SLC4A8: variants seen among roughly 807,000 people sequenced by gnomAD.
SLC4A8 encodes the protein electroneutral sodium bicarbonate exchanger 1.
Under a neutral mutation model 125.0 loss-of-function variants are expected in SLC4A8, and 40 were observed. The ratio of observed to expected loss-of-function variants is 0.32; its 90% CI spans 0.25 to 0.42. The LOEUF (loss-of-function observed/expected upper bound fraction) is 0.42, where lower values mean the gene tolerates loss of function less well. Among genes scored for constraint, SLC4A8 ranks in the 10% least tolerant of loss-of-function variants. The probability of loss-of-function intolerance (pLI) is 1.00; values close to 1 mark genes in which losing one functional copy is unlikely to be tolerated. For missense variants in SLC4A8, 863 were observed against 1,355.1 expected (o/e 0.64, Z 5.70); for synonymous variants, 456 against 476.0 (o/e 0.96, Z 0.55).
At chr12:51,489,026 A>G (rs1951232896) in intron 18 of SLC4A8, among the ~76,000 whole-genome samples, 166 bp downstream of exon 18, 2 of 152,222 alleles carry the variant, frequency 1.3e-5, no homozygotes, top group African/African-American at 4.8e-5. Flanking sequence ...TTAGAGTGGA[A>G]CATGGTTGTA....
chr12:51,481,002 T>G (rs543156351), intron 16 of SLC4A8, among the ~76,000 whole-genome samples: 2 of 152,332 alleles, frequency 1.3e-5, no homozygotes, highest in Admixed American at 1.3e-4. Context: ...CCAAGTTGCT[T>G]TACCTCTCTG....
intron 17 of SLC4A8, among the ~76,000 whole-genome samples, chr12:51,487,155 C>T (rs552757452): frequency 2.7e-4 from 41 of 152,208 alleles, no homozygotes; most frequent in African/African-American, 9.6e-4. Flanking sequence ...GAAAGGGAAA[C>T]GGGAGAATGT....
upstream of SLC4A8, among the ~76,000 whole-genome samples, chr12:51,424,261 A>T (rs942010813): frequency 1.3e-5 from 2 of 151,976 alleles, no homozygotes; most frequent in Non-Finnish European, 1.5e-5. Flanking sequence ...TTCCTGGAAA[A>T]GTTCGAAGCC....
At chr12:51,455,687 C>G (rs145333217) in intron 5 of SLC4A8, among the ~76,000 whole-genome samples, 1 of 152,152 alleles carries the variant, frequency 6.6e-6, no homozygotes, top group Non-Finnish European at 1.5e-5. Context: ...AAATCTTTCT[C>G]TATTTCAAGT....
chr12:51,466,144 T>C (rs1486413093), intron 11 of SLC4A8, among the ~76,000 whole-genome samples: 1 of 152,158 alleles, frequency 6.6e-6, no homozygotes, highest in Non-Finnish European at 1.5e-5. Flanking sequence ...GAGTTCTGTA[T>C]GATCTGACCC....
At chr12:51,408,835 C>T (rs1211832320) in intron 1 of SLC4A8, among the ~76,000 whole-genome samples, 4 of 152,146 alleles carry the variant, frequency 2.6e-5, no homozygotes, top group African/African-American at 9.7e-5. Context: ...GTGTGATGCG[C>T]ACTCCAGAGC....
At position 51,462,396 on chromosome 12, in the gene SLC4A8, C is replaced by G. The variant is rs1189459282; in HGVS notation, c.1188C>G (p.Leu396=). 6.2e-7 allele frequency: 1 copy of G among 1,611,814 alleles called. No homozygotes were observed. The highest frequency in any genetic ancestry group is 1.7e-5 in the Admixed American group (1 of 59,542). ...IDEFLDQVTV[L]PPGEWDPSIR... is the part of the protein sequence containing the mutation. ...AGTTCCTAGACCAGGTGACGGTGCT[C>G]CCTCCAGGAGAGTGGGATCCCTCCA... Residue 396 remains leucine, a synonymous_variant, in exon 10 of 25, where the codon CTC becomes CTG. Coordinates refer to ENST00000453097, the MANE Select transcript of SLC4A8 (RefSeq NM_001039960.3).
At position 51,469,632 on chromosome 12, in the gene SLC4A8, G is replaced by A. The variant is rs1046645280; in HGVS notation, c.1368G>A (p.Val456=). 1 of 1,613,590 alleles carries A rather than the reference G, an allele frequency of 6.2e-7. No individual in the cohort carries two copies. Among genetic ancestry groups the A allele is most frequent in the Admixed American group, 1.7e-5 (1 of 60,022 alleles). Residue 456 remains valine (V), a synonymous_variant, in exon 12 of 25, where the codon GTG becomes GTA. Coordinates refer to ENST00000453097, the MANE Select transcript of SLC4A8 (RefSeq NM_001039960.3). ...TCCACAGGCTATTTGGGGGCTTGGT[G>A]CTGGACATCAAGCGGAAGGCCCCCT... is the stretch of plus-strand genomic sequence containing the variant. ...QRTGRLFGGL[V]LDIKRKAPWY...
At chr12:51,474,695 G>A (rs973821616) in intron 15 of SLC4A8, 8 of 614,656 alleles carry the variant, frequency 1.3e-5, no homozygotes, top group African/African-American at 1.8e-5. Context: ...AGGATAGGTG[G>A]GGATGAAACC....
At chr12:51,436,638 G>A (rs1203642291) in intron 1 of SLC4A8, among the ~76,000 whole-genome samples, 1 of 151,814 alleles carries the variant, frequency 6.6e-6, no homozygotes, top group African/African-American at 2.4e-5. Flanking sequence ...TAGTTAGTTA[G>A]TTATTTGAGA....
intron 22 of SLC4A8, among the ~76,000 whole-genome samples, chr12:51,503,133 C>T (rs996144360): frequency 4.0e-5 from 6 of 148,508 alleles, no homozygotes; most frequent in African/African-American, 1.5e-4. Context: ...TGAGCCACCG[C>T]ACCCAGCCAG....
chr12:51,514,478 C>T lies in SLC4A8; in HGVS notation c.*7040C>T, dbSNP rs2138486585. The T allele has an allele frequency of 1.3e-5, 2 of 152,316 alleles. No individual in the cohort carries two copies. Among genetic ancestry groups the T allele is most frequent in the African/African-American group, 4.8e-5 (2 of 41,570 alleles). 9.4% of individuals were successfully genotyped at this position (152,316 alleles called of 1,614,324 possible). A position where few individuals can be genotyped will look rare whatever the true frequency, so the allele number is the denominator to read the frequency against. On this transcript the variant is annotated 3_prime_UTR_variant, in exon 25 of 25. Coordinates refer to ENST00000453097, the MANE Select transcript of SLC4A8 (RefSeq NM_001039960.3). Reference sequence around the variant, plus strand: ...TCAAGTTCTTTGGAGGAAAGAAGTTCTTGGTCAGAGGTCCTAAAACCACCA... The same window carrying T: ...TCAAGTTCTTTGGAGGAAAGAAGTTTTTGGTCAGAGGTCCTAAAACCACCA...
chr12:51,474,425 A>C lies in SLC4A8; in HGVS notation c.1988A>C (p.His663Pro). The C allele has an allele frequency of 8.7e-6, 14 of 1,613,762 alleles. No individual in the cohort carries two copies. The highest frequency in any genetic ancestry group is 1.2e-5 in the Non-Finnish European group (14 of 1,179,682). The change falls in exon 15 of 25, where the codon CAC becomes CCC. Residue 663 changes from histidine to proline, a missense_variant. Coordinates refer to ENST00000453097, the MANE Select transcript of SLC4A8 (RefSeq NM_001039960.3). ...KDHNIVTAEVHWANLTVSECQ... is the reference protein window; with the variant it reads ...KDHNIVTAEVPWANLTVSECQ... ...CACAACATCGTGACAGCAGAAGTCCACTGGGCTAACCTGACTGTCAGTGTA... is the reference window on the plus strand; with the variant it reads ...CACAACATCGTGACAGCAGAAGTCCCCTGGGCTAACCTGACTGTCAGTGTA...
rs892979154 is a variant in SLC4A8 at position 51,393,071 on chromosome 12, T to TTC, written c.-112+1595_-112+1596dup. Among the ~76,000 whole-genome samples, 231 of 151,412 alleles carry TTC rather than the reference T, an allele frequency of 1.5e-3. 2 individuals are homozygous for TTC. Among genetic ancestry groups the TTC allele is most frequent in the African/African-American group, 5.2e-3 (215 of 41,378 alleles). On this transcript the variant is annotated intron_variant, in intron 1 of 24. Coordinates refer to the SLC4A8 transcript ENST00000358657. ...CTTTCTTACTCTCTCTGTCTCTCCTTTCTCTCTCTCTCTTTCCTTCTTTCT... is the reference window on the plus strand; with the variant it reads ...CTTTCTTACTCTCTCTGTCTCTCCTTTCTCTCTCTCTCTCTTTCCTTCTTTCT...
intron 16 of SLC4A8, among the ~76,000 whole-genome samples, chr12:51,484,025 G>A (rs1183125724): frequency 6.6e-6 from 1 of 152,140 alleles, no homozygotes; most frequent in East Asian, 1.9e-4. Flanking sequence ...TGCTCAGAAT[G>A]ATGGTTTCCA....
At chr12:51,502,821 C>T (rs1176054608) in intron 22 of SLC4A8, among the ~76,000 whole-genome samples, 3 of 150,284 alleles carry the variant, frequency 2.0e-5, no homozygotes, top group Non-Finnish European at 4.4e-5. Context: ...CAGGCATGCA[C>T]CACCACGCCC....
At position 51,471,456 on chromosome 12, in the gene SLC4A8, A is replaced by C; in HGVS notation, c.1828A>C (p.Ile610Leu). ...TTGCATTATTTTCATCTATGAAGCA[A>C]TAGAAAAACTGATTCACCTGGCAGA... is the stretch of plus-strand genomic sequence containing the variant. ...LICIIFIYEA[I>L]EKLIHLAETY... The change falls in exon 14 of 25, where the codon ATA (isoleucine) becomes CTA (leucine). Residue 610 changes from isoleucine (I) to leucine (L), a missense_variant. Coordinates refer to ENST00000453097, the MANE Select transcript of SLC4A8 (RefSeq NM_001039960.3). 1 of 1,614,190 alleles carries C rather than the reference A, an allele frequency of 6.2e-7. No homozygotes were observed. The highest frequency in any genetic ancestry group is 1.1e-5 in the South Asian group (1 of 91,082).
chr12:51,496,333 G>C (rs1401129534), intron 21 of SLC4A8, among the ~76,000 whole-genome samples: 1 of 152,172 alleles, frequency 6.6e-6, no homozygotes, highest in African/African-American at 2.4e-5. Context: ...TTTTCCTTTG[G>C]CTAAAATGGC....
chr12:51,500,732 G>C (rs1253039567), intron 22 of SLC4A8, among the ~76,000 whole-genome samples: 3 of 151,596 alleles, frequency 2.0e-5, no homozygotes, highest in Non-Finnish European at 4.4e-5. Flanking sequence ...TTTCGCCCAG[G>C]CTGGAGTGCA....
Sources: gnomAD v4.1 joint callset for allele counts (sites outside exome capture counted in the v4.1 genomes callset) on GRCh38, gnomAD v4.1.1 for gene constraint, MANE v1.5 for transcripts, NCBI Gene and HGNC (gene_info 2026-07-23, HGNC 2026-07-21) for gene names.